Variants in EPS15L1 observed in about 807,000 individuals in gnomAD.
EPS15L1 encodes the protein epidermal growth factor receptor pathway substrate 15 like 1.
A neutral mutation model predicts 117.1 loss-of-function variants in EPS15L1; 43 were observed. The observed-to-expected ratio is 0.37, with a 90% CI of 0.29 to 0.47. The LOEUF (loss-of-function observed/expected upper bound fraction) is 0.47, where lower values mean the gene tolerates loss of function less well. Among genes scored for constraint, EPS15L1 ranks in the 20% least tolerant of loss-of-function variants. The probability of loss-of-function intolerance (pLI) is 0.99; values close to 1 mark genes in which losing one functional copy is unlikely to be tolerated. For missense variants in EPS15L1, 981 were observed against 1,164.0 expected, an observed-to-expected ratio of 0.84 and a Z score of 2.29; for synonymous variants, 459 against 470.5, an observed-to-expected ratio of 0.98 and a Z score of 0.32.
chr19:16,401,005 C>G (rs908629744), intron 16 of EPS15L1: 5 of 985,348 alleles, frequency 5.1e-6, no homozygotes, highest in Non-Finnish European at 6.0e-6. Flanking sequence ...GGTTGTGAGA[C>G]GGAAACACAC....
At chr19:16,440,675 T>C (rs2093022335) in intron 4 of EPS15L1, 187 bp downstream of exon 4, 7 of 486,742 alleles carry the variant, frequency 1.4e-5, no homozygotes. Context: ...ACACTAGCCA[T>C]GAAAGATGGC....
Position 16,464,875 on chromosome 19 carries a change from TCGAGACCATCCTGCCTAAC to T in EPS15L1, c.33+7019_33+7037del, listed in dbSNP as rs573663991. On this transcript the variant is annotated intron_variant, in intron 1 of 23. Transcript: ENST00000455140. ...AAGGCGGGCAGATCACAAGGTCAGA[TCGAGACCATCCTGCCTAAC>T]CAGTGAAACCCCGTCTCTACTAAAA... 2.6e-3 allele frequency among the ~76,000 whole-genome samples: 389 copies of T among 152,116 alleles called. 1 individual carries two copies. The highest frequency in any genetic ancestry group is 3.5e-3 in the Non-Finnish European group (241 of 67,984).
In EPS15L1 at chr19:16,436,944, G is replaced by A. The variant is rs777520917; in HGVS notation, c.365C>T (p.Ala122Val). 6 of 1,613,522 alleles carry A rather than the reference G, an allele frequency of 3.7e-6. No homozygotes were observed. Among genetic ancestry groups the A allele is most frequent in the Non-Finnish European group, 5.1e-6 (6 of 1,179,464 alleles). Residue 122 changes from alanine to valine, a missense_variant, in exon 6 of 24, where the codon GCT becomes GTT. By Grantham distance (64) the Ala-to-Val change is moderately conservative (BLOSUM62 0). Transcript: ENST00000455140. ...CTATTCCCGTTCACTTACCCTCACA[G>A]CCCAGTGGGCCTCTGCAGAGGGCGG... ...VTPPSAEAHW[A>V]VRVEEKAKFD...
At chr19:16,400,401 C>T (rs1019457775) in intron 16 of EPS15L1, among the ~76,000 whole-genome samples, 1 of 150,384 alleles carries the variant, frequency 6.6e-6, no homozygotes, top group Non-Finnish European at 1.5e-5. Context: ...AGTCACACTG[C>T]GTGAGCTTCA....
In EPS15L1 at chr19:16,471,967, G is replaced by A. The variant is rs937611746; in HGVS notation, c.-22C>T. The A allele has an allele frequency of 3.1e-6, 4 of 1,279,776 alleles. No homozygotes were observed. Among genetic ancestry groups the A allele is most frequent in the African/African-American group, 1.6e-5 (1 of 64,358 alleles). 79.3% of individuals were successfully genotyped at this position (1,279,776 alleles called of 1,614,324 possible). On this transcript the variant is annotated 5_prime_UTR_variant, in exon 1 of 24. Coordinates refer to ENST00000455140, the MANE Select transcript of EPS15L1 (RefSeq NM_001258374.3). The surrounding 1 kb of genome is among the most constrained non-coding windows in gnomAD (Gnocchi z 4.8). Reference sequence around the variant, plus strand: ...CCATCTTCCCGCGGACTCGGGCTCCGAGCGCCGGGGGAACGGGGGCGGGGC... The same window carrying A: ...CCATCTTCCCGCGGACTCGGGCTCCAAGCGCCGGGGGAACGGGGGCGGGGC...
intron 2 of EPS15L1, 55 bp from the exon 3 acceptor site, chr19:16,442,036 GA>G: frequency 6.6e-7 from 1 of 1,523,912 alleles, no homozygotes; most frequent in African/African-American, 1.4e-5. Context: ...AGCAGCAGGT[GA>G]AGTGGCACCC....
intron 13 of EPS15L1, among the ~76,000 whole-genome samples, chr19:16,409,347 A>G (rs1482438597): frequency 6.6e-6 from 1 of 152,256 alleles, no homozygotes; most frequent in East Asian, 1.9e-4. Flanking sequence ...AATTAACTAG[A>G]AATGGATCAA....
intron 1 of EPS15L1, among the ~76,000 whole-genome samples, chr19:16,450,982 G>C (rs184322228): frequency 6.7e-6 from 1 of 150,316 alleles, no homozygotes; most frequent in Non-Finnish European, 1.5e-5. Flanking sequence ...CAAGAGTCTC[G>C]CTCTGTTGCC....
intron 19 of EPS15L1, among the ~76,000 whole-genome samples, chr19:16,388,485 AG>A (rs2092444108): frequency 6.6e-6 from 1 of 152,258 alleles, no homozygotes; most frequent in Admixed American, 6.5e-5. Flanking sequence ...TCTTGAAAGT[AG>A]CCAGAGAAAA....
chr19:16,400,501 C>G (rs2092589799), intron 16 of EPS15L1: 1 of 304,730 alleles, frequency 3.3e-6, no homozygotes, highest in Non-Finnish European at 4.8e-6. Context: ...GGACCTAAAA[C>G]CCCCAACTTC....
chr19:16,453,887 A>T (rs555866374), intron 1 of EPS15L1, among the ~76,000 whole-genome samples: 1,416 of 54,346 alleles, frequency 0.026, 13 homozygotes, highest in Middle Eastern at 0.042. Flanking sequence ...GAATTCCTAT[A>T]AAAAAAAAAA....
In EPS15L1 at chr19:16,377,139, C is replaced by A; in HGVS notation, c.2363G>T (p.Arg788Leu). 1 of 1,607,266 alleles carries A rather than the reference C, an allele frequency of 6.2e-7. No homozygotes were observed. The highest frequency in any genetic ancestry group is 8.5e-7 in the Non-Finnish European group (1 of 1,177,398). Residue 788 changes from arginine to leucine, a missense_variant, in exon 22 of 24, where the codon CGG becomes CTG. Coordinates refer to ENST00000455140, the MANE Select transcript of EPS15L1 (RefSeq NM_001258374.3). ...ALPPKKPAPPRPKPPSGKSTP... is the reference protein window; with the variant it reads ...ALPPKKPAPPLPKPPSGKSTP... ...TTACTGACCGCTGGGCGGTTTAGGCCGTGGAGGAGCAGGTTTCTTCGGAGG... is the reference window on the plus strand; with the variant it reads ...TTACTGACCGCTGGGCGGTTTAGGCAGTGGAGGAGCAGGTTTCTTCGGAGG...
intron 9 of EPS15L1, among the ~76,000 whole-genome samples, chr19:16,422,970 A>AT (rs1168726598): frequency 8.3e-6 from 1 of 121,076 alleles, no homozygotes; most frequent in Non-Finnish European, 1.8e-5. Context: ...GGAAAAAAAA[A>AT]GGGGGGGGGG....
intron 8 of EPS15L1, among the ~76,000 whole-genome samples, chr19:16,426,441 C>T (rs2092873373): frequency 6.6e-6 from 1 of 152,164 alleles, no homozygotes; most frequent in Admixed American, 6.5e-5. Context: ...CAAGACCAGC[C>T]TGGCCAACAG....
chr19:16,457,723 T>G (rs555900407), intron 1 of EPS15L1, among the ~76,000 whole-genome samples: 1 of 152,138 alleles, frequency 6.6e-6, no homozygotes, highest in Admixed American at 6.5e-5. Context: ...TGAGCAGCCC[T>G]CCCAGCTGCT....
chr19:16,363,393 G>A (rs940013236), intron 22 of EPS15L1, among the ~76,000 whole-genome samples: 8 of 152,056 alleles, frequency 5.3e-5, no homozygotes, highest in African/African-American at 1.9e-4. Flanking sequence ...CACCTGCCCC[G>A]CCCACCACCT....
chr19:16,444,183 A>G (rs185877335), intron 1 of EPS15L1, among the ~76,000 whole-genome samples: 304 of 151,992 alleles, frequency 2.0e-3, no homozygotes, highest in Non-Finnish European at 3.4e-3. Context: ...AAAAAAAAAA[A>G]AAGAGGAAAA....
At chr19:16,423,981 T>C (rs942309611) in intron 9 of EPS15L1, among the ~76,000 whole-genome samples, 1 of 152,102 alleles carries the variant, frequency 6.6e-6, no homozygotes, top group Non-Finnish European at 1.5e-5. Flanking sequence ...AGCCTCAGAG[T>C]ATGTTAGCAG....
chr19:16,462,038 C>A (rs577812664), intron 1 of EPS15L1, among the ~76,000 whole-genome samples: 1 of 152,196 alleles, frequency 6.6e-6, no homozygotes, highest in South Asian at 2.1e-4. Context: ...CTCCTCGACC[C>A]TCCCGGAGCC....
Sources: allele counts gnomAD v4.1 joint callset (sites outside exome capture counted in the v4.1 genomes callset), GRCh38; gene constraint gnomAD v4.1.1; non-coding constraint Gnocchi (gnomAD v3.1); transcripts MANE v1.5; gene names NCBI Gene and HGNC (gene_info 2026-07-23, HGNC 2026-07-21).